The following ERC2 variants were observed in gnomAD, a reference collection of about 807,000 sequenced individuals.
ERC2 encodes ELKS/RAB6-interacting/CAST family member 2.
In ERC2, 42 loss-of-function variants were observed where a neutral mutation model predicts 114.8. The ratio of observed to expected loss-of-function variants is 0.37; its 90% CI spans 0.29 to 0.47. ERC2 has a LOEUF of 0.47. Among genes scored for constraint, ERC2 ranks in the 20% least tolerant of loss-of-function variants. The pLI is 0.99. For missense variants in ERC2, 939 were observed against 1,150.7 expected, an observed-to-expected ratio of 0.82 and a Z score of 2.66; for synonymous variants, 454 against 425.5, an observed-to-expected ratio of 1.07 and a Z score of -0.82.
chr3:55,644,764 T>C (rs994362800), intron 17 of ERC2, among the ~76,000 whole-genome samples: 1 of 151,820 alleles, frequency 6.6e-6, no homozygotes, highest in Admixed American at 6.6e-5. Context: ...CTTGGATAGA[T>C]ATCAAGAGGG....
intron 6 of ERC2, among the ~76,000 whole-genome samples, chr3:56,108,505 CAT>C (rs2078789708): frequency 6.6e-6 from 1 of 151,956 alleles, no homozygotes; most frequent in Non-Finnish European, 1.5e-5. Context: ...TATATATACA[CAT>C]ATCTATTTCT....
intron 17 of ERC2, among the ~76,000 whole-genome samples, chr3:55,636,015 A>T (rs2059944621): frequency 6.6e-6 from 1 of 151,982 alleles, no homozygotes; most frequent in South Asian, 2.1e-4. Context: ...AGCTGGGATT[A>T]CAGGACTGTG....
chr3:55,635,284 G>A (rs1402900135), intron 17 of ERC2, among the ~76,000 whole-genome samples: 2 of 152,064 alleles, frequency 1.3e-5, no homozygotes, highest in African/African-American at 2.4e-5. Context: ...AATCCTCCAA[G>A]ATCTCTGTCA....
At chr3:56,083,661 C>A (rs1409934887) in intron 6 of ERC2, among the ~76,000 whole-genome samples, 1 of 151,988 alleles carries the variant, frequency 6.6e-6, no homozygotes, top group Non-Finnish European at 1.5e-5. Context: ...AAAACACCAA[C>A]CTGGGAACTA....
At chr3:56,282,675 G>GC (rs1165330304) in intron 3 of ERC2, among the ~76,000 whole-genome samples, 2 of 125,726 alleles carry the variant, frequency 1.6e-5, no homozygotes, top group Non-Finnish European at 3.6e-5. Context: ...CCATCTAACA[G>GC]TGGTGCTGCT....
chr3:56,312,091 C>T (rs758851488), intron 2 of ERC2, among the ~76,000 whole-genome samples: 23 of 152,074 alleles, frequency 1.5e-4, no homozygotes, highest in African/African-American at 3.9e-4. Flanking sequence ...TGCAATACTA[C>T]GCCATTTTAT....
chr3:55,799,987 A>G (rs1265811294), intron 14 of ERC2, among the ~76,000 whole-genome samples: 1 of 152,146 alleles, frequency 6.6e-6, no homozygotes, highest in Non-Finnish European at 1.5e-5. Context: ...TGGTAATCCA[A>G]TCAAGTTAAA....
chr3:56,406,636 C>G (rs1180806366), intron 2 of ERC2, among the ~76,000 whole-genome samples: 1 of 152,134 alleles, frequency 6.6e-6, no homozygotes, highest in East Asian at 1.9e-4. Flanking sequence ...CTGAGTCTTG[C>G]AAATAATGTA....
chr3:55,797,204 T>C (rs960257510), intron 14 of ERC2, among the ~76,000 whole-genome samples: 3 of 152,148 alleles, frequency 2.0e-5, no homozygotes, highest in Admixed American at 2.0e-4. Flanking sequence ...GCTGGGCTCA[T>C]AGGAAATAGG....
chr3:56,304,740 C>G (rs2056109697), intron 2 of ERC2, among the ~76,000 whole-genome samples: 1 of 152,036 alleles, frequency 6.6e-6, no homozygotes, highest in African/African-American at 2.4e-5. Context: ...ATAATGTTAA[C>G]AGAGTAAAGA....
chr3:56,338,471 G>A (rs2057950831), intron 2 of ERC2, among the ~76,000 whole-genome samples: 1 of 152,228 alleles, frequency 6.6e-6, no homozygotes. Context: ...GAAGGATACA[G>A]AAGAGGTGAG....
chr3:56,276,648 A>G (rs1560506776), intron 3 of ERC2, among the ~76,000 whole-genome samples: 1 of 152,164 alleles, frequency 6.6e-6, no homozygotes, highest in Non-Finnish European at 1.5e-5. Flanking sequence ...ATATAATTTG[A>G]GAGGTGAATT....
intron 14 of ERC2, among the ~76,000 whole-genome samples, chr3:55,855,618 T>C (rs146276543): frequency 0.01 from 1,554 of 152,312 alleles, 28 homozygotes; most frequent in African/African-American, 0.036. Flanking sequence ...CAATTTCCTC[T>C]AAATGCTTAA....
At chr3:55,577,522 T>A (rs547012862) in intron 17 of ERC2, among the ~76,000 whole-genome samples, 1 of 152,160 alleles carries the variant, frequency 6.6e-6, no homozygotes, top group Non-Finnish European at 1.5e-5. Context: ...GGGTGCTCCA[T>A]AAACACTGGA....
At chr3:55,724,131 G>A (rs964367012) in intron 15 of ERC2, among the ~76,000 whole-genome samples, 3 of 152,216 alleles carry the variant, frequency 2.0e-5, no homozygotes, top group Non-Finnish European at 4.4e-5. Context: ...CAGGAGGTAA[G>A]TGCCAACATT....
chr3:55,697,156 T>C (rs1222048284), intron 16 of ERC2, among the ~76,000 whole-genome samples: 2 of 152,206 alleles, frequency 1.3e-5, no homozygotes, highest in African/African-American at 4.8e-5. Flanking sequence ...GTTCTGTCCA[T>C]CATGCTCTTC....
intron 3 of ERC2, among the ~76,000 whole-genome samples, chr3:56,279,426 C>T (rs1489454055): frequency 6.6e-6 from 1 of 152,176 alleles, no homozygotes; most frequent in Admixed American, 6.5e-5. Flanking sequence ...GAAGGTAAAA[C>T]ACCTGGGCTG....
intron 6 of ERC2, among the ~76,000 whole-genome samples, chr3:56,081,367 G>A (rs986884063): frequency 5.9e-5 from 9 of 152,034 alleles, no homozygotes; most frequent in Non-Finnish European, 5.9e-5. Flanking sequence ...TTGCAGCATC[G>A]TCCTGAAATA....
intron 3 of ERC2, among the ~76,000 whole-genome samples, chr3:56,209,639 G>T (rs574020410): frequency 6.6e-6 from 1 of 152,230 alleles, no homozygotes; most frequent in South Asian, 2.1e-4. Flanking sequence ...AAGAGCATTG[G>T]GTCTTGCCCA....
Sources: allele counts gnomAD v4.1 joint callset (sites outside exome capture counted in the v4.1 genomes callset), GRCh38; gene constraint gnomAD v4.1.1; transcripts MANE v1.5; gene names NCBI Gene and HGNC (gene_info 2026-07-23, HGNC 2026-07-21).